PTPRA: variants seen among roughly 807,000 people sequenced by gnomAD.
PTPRA encodes receptor-type tyrosine-protein phosphatase alpha.
PTPRA carries 25 observed loss-of-function variants against 104.8 expected under a neutral mutation model. That is an observed-to-expected ratio of 0.24 (90% CI 0.17 to 0.33). The LOEUF (loss-of-function observed/expected upper bound fraction) is 0.33, where lower values mean the gene tolerates loss of function less well. Among genes scored for constraint, PTPRA ranks in the 10% least tolerant of loss-of-function variants. PTPRA has a pLI of 1.00. For synonymous variants in PTPRA, 323 were observed against 368.9 expected (o/e 0.88, Z 1.43); for missense variants, 765 against 1,015.3 (o/e 0.75, Z 3.35).
At chr20:2,866,611 C>A in the PTPRA span, 2 of 1,609,784 alleles carry the variant, frequency 1.2e-6, no homozygotes, top group Non-Finnish European at 1.7e-6. Flanking sequence ...AGGGGTTCCT[C>A]CCCTAGCACC....
At chr20:2,936,918 C>G (rs1398271637) in intron 2 of PTPRA, among the ~76,000 whole-genome samples, 1 of 151,258 alleles carries the variant, frequency 6.6e-6, no homozygotes, top group Non-Finnish European at 1.5e-5. Flanking sequence ...CTTCTGTTTC[C>G]CCTTTCCTGT....
In PTPRA at chr20:3,021,555, A is replaced by G. The variant is rs1379536747; in HGVS notation, c.1161+127A>G. The G allele has an allele frequency of 1.2e-5, 16 of 1,326,192 alleles. No individual in the cohort carries two copies. The East Asian group carries it at 3.5e-4, about 29-fold the overall frequency. 82.2% of individuals were successfully genotyped at this position (1,326,192 alleles called of 1,614,324 possible). On this transcript the variant is annotated intron_variant, in intron 14 of 23. Transcript: ENST00000399903. ...TGCAGTATGTGAATTCTGAAACCAG[A>G]TATCCGGGCTCAGGGGAACTTGTCT...
At chr20:2,910,183 A>G (rs1266826561) in intron 1 of PTPRA, among the ~76,000 whole-genome samples, 10 of 105,286 alleles carry the variant, frequency 9.5e-5, no homozygotes, top group Non-Finnish European at 1.6e-4. Context: ...CGTATAGTAT[A>G]TATGATATAT....
chr20:3,025,452 CAAAAA>C (rs11087563), intron 17 of PTPRA, among the ~76,000 whole-genome samples: 2 of 108,450 alleles, frequency 1.8e-5, no homozygotes, highest in African/African-American at 3.3e-5. Flanking sequence ...GACTCCATCT[CAAAAA>C]AAAAAAAAAA....
chr20:3,005,778 T>C (rs912217803), intron 10 of PTPRA, among the ~76,000 whole-genome samples: 8 of 152,136 alleles, frequency 5.3e-5, no homozygotes, highest in African/African-American at 1.4e-4. Flanking sequence ...GTGGTAGAGA[T>C]GGTTTTTTGT....
chr20:2,955,085 A>G (rs1406142093), intron 3 of PTPRA, among the ~76,000 whole-genome samples: 1 of 152,210 alleles, frequency 6.6e-6, no homozygotes, highest in African/African-American at 2.4e-5. Context: ...GCTATATAGT[A>G]AGCCTTAACA....
chr20:3,027,594 A>G, intron 19 of PTPRA, 113 bp from the exon 20 acceptor site: 1 of 1,407,634 alleles, frequency 7.1e-7, no homozygotes. Flanking sequence ...GGAGCTCTGC[A>G]TGGGCTGAGT....
intron 3 of PTPRA, among the ~76,000 whole-genome samples, chr20:2,963,932 CAG>C (rs1343176180): frequency 6.6e-6 from 1 of 152,048 alleles, no homozygotes; most frequent in Admixed American, 6.6e-5. Context: ...CCCAGCTACT[CAG>C]GAGGCTGAGA....
chr20:2,924,071 C>A (rs896047198), intron 2 of PTPRA, among the ~76,000 whole-genome samples: 1 of 152,084 alleles, frequency 6.6e-6, no homozygotes, highest in Non-Finnish European at 1.5e-5. Context: ...TGTATTATAG[C>A]CAGAAAAACT....
chr20:2,927,234 A>G (rs752068927), intron 2 of PTPRA, among the ~76,000 whole-genome samples: 1 of 152,128 alleles, frequency 6.6e-6, no homozygotes, highest in Non-Finnish European at 1.5e-5. Context: ...AGCTAAGTAA[A>G]TATTGTTCAC....
chr20:2,889,956 T>C (rs903325652), intron 1 of PTPRA, among the ~76,000 whole-genome samples: 1 of 152,144 alleles, frequency 6.6e-6, no homozygotes, highest in Non-Finnish European at 1.5e-5. Flanking sequence ...CAATCATGGC[T>C]CACTGCAGCC....
In PTPRA at chr20:2,950,211, T is replaced by C. The variant is rs2061306195; in HGVS notation, c.-7+2187T>C. ...TTAATTGTAAGAATATTCAGGTCTTTTGTTCTTCCTGGGCTAGTTTTTTAT... is the reference window on the plus strand; with the variant it reads ...TTAATTGTAAGAATATTCAGGTCTTCTGTTCTTCCTGGGCTAGTTTTTTAT... On this transcript the variant is annotated intron_variant, in intron 3 of 23. Transcript: ENST00000399903. The surrounding 1 kb of genome is among the most constrained non-coding windows in gnomAD (Gnocchi z 4.0). Among the ~76,000 whole-genome samples, 1 of 152,180 alleles carries C rather than the reference T, an allele frequency of 6.6e-6. No homozygotes were observed. The highest frequency in any genetic ancestry group is 1.5e-5 in the Non-Finnish European group (1 of 68,022).
chr20:2,976,790 C>T (rs1368580451), intron 6 of PTPRA, among the ~76,000 whole-genome samples: 1 of 152,148 alleles, frequency 6.6e-6, no homozygotes, highest in Non-Finnish European at 1.5e-5. Flanking sequence ...GTATTATAAT[C>T]GGTTTGATAA....
In PTPRA at chr20:3,035,557, T is replaced by C; in HGVS notation, c.1921-28T>C. The C allele has an allele frequency of 6.3e-7, 1 of 1,598,194 alleles. No homozygotes were observed. Among genetic ancestry groups the C allele is most frequent in the Non-Finnish European group, 8.6e-7 (1 of 1,166,150 alleles). ...CTTCTACACATGTGGTACTCTGAGC[T>C]CCTCACCTCTCCAACCTGTCTCTCC... On this transcript the variant is annotated intron_variant, in intron 20 of 23. Coordinates refer to ENST00000399903, the MANE Select transcript of PTPRA (RefSeq NM_001385305.1). This position sits in a 1 kb window ranked among gnomAD's most constrained non-coding sequence, Gnocchi z 5.8.
intron 1 of PTPRA, among the ~76,000 whole-genome samples, chr20:2,891,213 T>C (rs551109067): frequency 6.6e-6 from 1 of 152,338 alleles, no homozygotes; most frequent in Admixed American, 6.5e-5. Context: ...CTCACCTAGA[T>C]GACTGCTGCA....
intron 9 of PTPRA, among the ~76,000 whole-genome samples, chr20:2,989,099 C>T (rs2148151488): frequency 6.6e-6 from 1 of 152,330 alleles, no homozygotes; most frequent in South Asian, 2.1e-4. Context: ...TGTTTTTAAT[C>T]CACCAGTTGG....
chr20:2,988,036 A>AAG lies in PTPRA; in HGVS notation c.534_535dup (p.Lys179ArgfsTer95). 1 of 1,571,288 alleles carries AAG rather than the reference A, an allele frequency of 6.4e-7. No homozygotes were observed. Among genetic ancestry groups the AAG allele is most frequent in the Non-Finnish European group, 8.8e-7 (1 of 1,141,044 alleles). On this transcript the variant is annotated frameshift_variant, in exon 8 of 24. Transcript: ENST00000399903. LOFTEE classifies it high-confidence loss of function. ...CTGTGATCATTTTCTCATTAGGTTTAAGAAATACAAGCAAGCTGGGAGCCA... is the reference window on the plus strand; with the variant it reads ...CTGTGATCATTTTCTCATTAGGTTTAAGAGAAATACAAGCAAGCTGGGAGCCA...
At position 3,022,696 on chromosome 20, in the gene PTPRA, G is replaced by T. The variant is rs1425777052; in HGVS notation, c.1336G>T (p.Val446Leu). Reference sequence around the variant, plus strand: ...CCTGCTCTCTGGCTACAGTGCAGGTGTAGGGCGTACAGGTACCTTTGTCGT... The same window carrying T: ...CCTGCTCTCTGGCTACAGTGCAGGTTTAGGGCGTACAGGTACCTTTGTCGT... ...GAIVVHCSAGVGRTGTFVVID... is the reference protein window; with the variant it reads ...GAIVVHCSAGLGRTGTFVVID... Residue 446 changes from valine to leucine, a missense_variant, in exon 16 of 24, where the codon GTA (valine) becomes TTA (leucine). Physicochemically the swap from Val to Leu is conservative, Grantham distance 32 (BLOSUM62 1). Around this residue, in one of 4 missense-constraint regions of PTPRA, gnomAD observed 245 missense variants for 398.7 expected, o/e 0.61. Coordinates refer to ENST00000399903, the MANE Select transcript of PTPRA (RefSeq NM_001385305.1). This position sits in a 1 kb window ranked among gnomAD's most constrained non-coding sequence, Gnocchi z 4.6. 6.2e-7 allele frequency: 1 copy of T among 1,614,220 alleles called. No homozygotes were observed. Among genetic ancestry groups the T allele is most frequent in the Admixed American group, 1.7e-5 (1 of 60,032 alleles).
At chr20:2,956,884 G>T (rs949824916) in intron 3 of PTPRA, among the ~76,000 whole-genome samples, 1 of 152,200 alleles carries the variant, frequency 6.6e-6, no homozygotes, top group Non-Finnish European at 1.5e-5. Context: ...TTGTGCATTT[G>T]TAATTCTGAT....
Sources: gnomAD v4.1 joint callset for allele counts (sites outside exome capture counted in the v4.1 genomes callset) on GRCh38, gnomAD v4.1.1 for gene constraint, gnomAD v4.1.1 regional missense constraint, Gnocchi (gnomAD v3.1) non-coding constraint, MANE v1.5 for transcripts, NCBI Gene and HGNC (gene_info 2026-07-23, HGNC 2026-07-21) for gene names.